SEC63: variants seen among roughly 807,000 people sequenced by gnomAD.
The protein encoded by SEC63 is translocation protein SEC63 homolog.
A neutral mutation model predicts 116.2 loss-of-function variants in SEC63; 56 were observed. That is an observed-to-expected ratio of 0.48 (90% confidence interval 0.39 to 0.60). The LOEUF (loss-of-function observed/expected upper bound fraction) is 0.60, where lower values mean the gene tolerates loss of function less well. Among genes scored for constraint, SEC63 ranks in the 20% least tolerant of loss-of-function variants. The pLI, the probability that SEC63 is intolerant of heterozygous loss-of-function variation, is 0.00. For missense variants in SEC63, 668 were observed against 900.0 expected, an observed-to-expected ratio of 0.74 and a Z score of 3.30; for synonymous variants, 273 against 294.6, an observed-to-expected ratio of 0.93 and a Z score of 0.75.
At chr6:107,886,332 G>A (rs999249800) in intron 16 of SEC63, among the ~76,000 whole-genome samples, 1 of 152,166 alleles carries the variant, frequency 6.6e-6, no homozygotes, top group Admixed American at 6.5e-5. Context: ...ATCTGTATGT[G>A]TCTTTATAGT....
At chr6:107,882,907 T>C in intron 17 of SEC63, 81 bp downstream of exon 17, 3 of 924,580 alleles carry the variant, frequency 3.2e-6, no homozygotes, top group Non-Finnish European at 5.2e-6. Context: ...AGCAAACAAA[T>C]GAACAACAAC....
At chr6:107,956,779 T>C (rs1770721033) in intron 1 of SEC63, among the ~76,000 whole-genome samples, 1 of 152,204 alleles carries the variant, frequency 6.6e-6, no homozygotes, top group Admixed American at 6.5e-5. Context: ...TCTGAAAGTA[T>C]AACAAGTTCT....
In SEC63 at chr6:107,913,330, A is replaced by G. The variant is rs776022305; in HGVS notation, c.514+36T>C. The G allele has an allele frequency of 6.5e-6, 8 of 1,232,780 alleles. No individual in the cohort carries two copies. The East Asian group carries it at 9.3e-5, about 14-fold the overall frequency. 76.4% of individuals were successfully genotyped at this position (1,232,780 alleles called of 1,614,324 possible). A position where few individuals can be genotyped will look rare whatever the true frequency, so the allele number is the denominator to read the frequency against. On this transcript the variant is annotated intron_variant, in intron 5 of 20. Coordinates refer to ENST00000369002, the MANE Select transcript of SEC63 (RefSeq NM_007214.5). ...GGTTAACATTTTTATAATATATACC[A>G]TATCGCCAATATTTTAAAATCATCA... is the stretch of plus-strand genomic sequence containing the variant.
At chr6:107,922,210 G>A (rs1398190891) in intron 3 of SEC63, among the ~76,000 whole-genome samples, 2 of 152,152 alleles carry the variant, frequency 1.3e-5, no homozygotes, top group East Asian at 1.9e-4. Context: ...AAATAATACT[G>A]ACATTTAAAT....
chr6:107,955,123 C>G (rs530263504), intron 1 of SEC63, among the ~76,000 whole-genome samples: 2 of 152,302 alleles, frequency 1.3e-5, no homozygotes, highest in Non-Finnish European at 2.9e-5. Context: ...CCAGTTCAAC[C>G]ATACAGGAAA....
Position 107,901,501 on chromosome 6 carries a change from A to G in SEC63, c.1226T>C (p.Ile409Thr). ...SNHKKYKIKTIQDLVSLKESD... is the reference protein window; with the variant it reads ...SNHKKYKIKTTQDLVSLKESD... Reference sequence around the variant, plus strand: ...TTCTTTTAAACTCACCAAATCCTGGATAGTTTTAATTTTATACTGAATAAA... The same window carrying G: ...TTCTTTTAAACTCACCAAATCCTGGGTAGTTTTAATTTTATACTGAATAAA... The change falls in exon 13 of 21, where the codon ATC (isoleucine) becomes ACC (threonine). Residue 409 changes from isoleucine (I) to threonine (T), a missense_variant. Ile to Thr is a moderately conservative substitution (Grantham distance 89, BLOSUM62 -1). Coordinates refer to ENST00000369002, the MANE Select transcript of SEC63 (RefSeq NM_007214.5). The G allele has an allele frequency of 6.3e-7, 1 of 1,585,286 alleles. No individual in the cohort carries two copies. Among genetic ancestry groups the G allele is most frequent in the Non-Finnish European group, 8.7e-7 (1 of 1,154,458 alleles).
chr6:107,904,519 C>T (rs528079797), intron 11 of SEC63, 110 bp downstream of exon 11: 4 of 807,948 alleles, frequency 5.0e-6, no homozygotes, highest in Non-Finnish European at 6.5e-6. Context: ...AAGAAGCTCA[C>T]TGAACTGGCC....
intron 20 of SEC63, among the ~76,000 whole-genome samples, chr6:107,872,199 C>T (rs1410853290): frequency 6.6e-6 from 1 of 151,986 alleles, no homozygotes; most frequent in African/African-American, 2.4e-5. Context: ...AAGAAAAACC[C>T]GAGACATTTT....
intron 19 of SEC63, among the ~76,000 whole-genome samples, chr6:107,873,377 A>C (rs1786179493): frequency 6.6e-6 from 1 of 152,210 alleles, no homozygotes; most frequent in South Asian, 2.1e-4. Flanking sequence ...CATAAACTTC[A>C]AATACAAATA....
chr6:107,936,245 T>A (rs898207236), intron 1 of SEC63, among the ~76,000 whole-genome samples: 2 of 152,228 alleles, frequency 1.3e-5, no homozygotes, highest in Admixed American at 1.3e-4. Flanking sequence ...ACCTAAAAAT[T>A]AAATCTTAAC....
intron 1 of SEC63, chr6:107,956,032 C>T: frequency 2.4e-6 from 1 of 412,386 alleles, no homozygotes; most frequent in African/African-American, 2.2e-5. Flanking sequence ...GTAAGGCCAG[C>T]TACTCGGGGG....
At chr6:107,953,993 A>G (rs1358666590) in intron 1 of SEC63, among the ~76,000 whole-genome samples, 2 of 152,210 alleles carry the variant, frequency 1.3e-5, no homozygotes, top group African/African-American at 2.4e-5. Flanking sequence ...AGAACGGGCC[A>G]TGATGACAAT....
chr6:107,873,632 T>TAA (rs11153086), intron 19 of SEC63, among the ~76,000 whole-genome samples: 30 of 151,250 alleles, frequency 2.0e-4, no homozygotes, highest in Middle Eastern at 3.4e-3. Flanking sequence ...TAGAAACTAT[T>TAA]AAAAAAAAAT....
chr6:107,919,423 T>A (rs986971072), intron 4 of SEC63, among the ~76,000 whole-genome samples: 1 of 152,208 alleles, frequency 6.6e-6, no homozygotes, highest in African/African-American at 2.4e-5. Flanking sequence ...CTATTCCTGA[T>A]GAAGATGCTG....
intron 1 of SEC63, among the ~76,000 whole-genome samples, chr6:107,952,635 G>GT (rs1770604405): frequency 1.3e-5 from 2 of 152,126 alleles, no homozygotes; most frequent in African/African-American, 4.8e-5. Context: ...GCAGGCACCT[G>GT]TAATACCAGC....
chr6:107,909,205 A>C lies in SEC63; in HGVS notation c.625-170T>G, dbSNP rs1393595900. The C allele has an allele frequency of 5.6e-6, 3 of 535,528 alleles. No homozygotes were observed. The African/African-American group carries it at 5.8e-5, about 10-fold the overall frequency. 33.2% of individuals were successfully genotyped at this position (535,528 alleles called of 1,614,324 possible). A position where few individuals can be genotyped will look rare whatever the true frequency, so the allele number is the denominator to read the frequency against. ...CAACATAGTGAGACCCTGTCTCTAC[A>C]AAAGAAAAAGAAAAATGCAAACATT... On this transcript the variant is annotated intron_variant, in intron 7 of 20. Transcript: ENST00000369002.
intron 13 of SEC63, among the ~76,000 whole-genome samples, chr6:107,898,048 T>C (rs1460403576): frequency 6.6e-6 from 1 of 152,084 alleles, no homozygotes; most frequent in Non-Finnish European, 1.5e-5. Flanking sequence ...GCGGATGGCA[T>C]GAGCTCAGGA....
Position 107,893,921 on chromosome 6 carries a change from T to A in SEC63, c.1441-24A>T, listed in dbSNP as rs769539201. ...TCCTGGGGGGCGGCAAGAAGAGAAA[T>A]ACAAAATCTGTCAACCTATATTTAT... On this transcript the variant is annotated intron_variant, in intron 14 of 20. Coordinates refer to ENST00000369002, the MANE Select transcript of SEC63 (RefSeq NM_007214.5). The A allele has an allele frequency of 2.5e-6, 4 of 1,611,450 alleles. No homozygotes were observed. In the East Asian group the frequency reaches 8.9e-5, roughly 36 times the overall value.
Position 107,871,794 on chromosome 6 carries a change from T to C in SEC63, c.2193A>G (p.Thr731=). 2 of 1,613,802 alleles carry C rather than the reference T, an allele frequency of 1.2e-6. No homozygotes were observed. Among genetic ancestry groups the C allele is most frequent in the African/African-American group, 1.3e-5 (1 of 75,058 alleles). ...PVPENHPQWD[T]AIEGDEDQED... is the part of the protein sequence containing the mutation. ...CCTGGTCTTCATCCCCCTCTATTGC[T>C]GTATCCCACTGTGGGTGATTTTCTG... is the stretch of plus-strand genomic sequence containing the variant. Residue 731 remains threonine (T), a synonymous_variant, in exon 21 of 21, where the codon ACA becomes ACG. Transcript: ENST00000369002.
Sources: gnomAD v4.1 joint callset for allele counts (sites outside exome capture counted in the v4.1 genomes callset) on GRCh38, gnomAD v4.1.1 for gene constraint, MANE v1.5 for transcripts, NCBI Gene and HGNC (gene_info 2026-07-23, HGNC 2026-07-21) for gene names.